Variants in RNF20 observed in about 807,000 individuals in gnomAD.
The protein encoded by RNF20 is ring finger protein 20.
A neutral mutation model predicts 126.2 loss-of-function variants in RNF20; 84 were observed. That is an observed-to-expected ratio of 0.67 (90% CI 0.56 to 0.80). The LOEUF is 0.80. Ranked by LOEUF, RNF20 falls within the 30% of genes least tolerant of loss-of-function variation. The probability of loss-of-function intolerance (pLI) is 0.00; values close to 1 mark genes in which losing one functional copy is unlikely to be tolerated. For missense variants in RNF20, 869 were observed against 1,188.2 expected, an observed-to-expected ratio of 0.73 and a Z score of 3.95; for synonymous variants, 400 against 414.3, an observed-to-expected ratio of 0.97 and a Z score of 0.42.
intron 5 of RNF20, among the ~76,000 whole-genome samples, chr9:101,543,131 AGTTGT>A (rs1175873022): frequency 6.6e-6 from 1 of 152,174 alleles, no homozygotes; most frequent in Non-Finnish European, 1.5e-5. Flanking sequence ...GGAGGTTTGG[AGTTGT>A]GTTGTGTTTT....
intron 16 of RNF20, among the ~76,000 whole-genome samples, chr9:101,559,271 C>A (rs1026128289): frequency 7.9e-5 from 12 of 152,102 alleles, no homozygotes; most frequent in African/African-American, 2.9e-4. Context: ...TATTTTTATA[C>A]CAGTACCATG....
chr9:101,545,105 A>G (rs1019785535), intron 6 of RNF20, among the ~76,000 whole-genome samples: 28 of 152,218 alleles, frequency 1.8e-4, no homozygotes, highest in African/African-American at 5.1e-4. Context: ...GAAATTCCAC[A>G]GGGAATGGGG....
chr9:101,547,497 T>A lies in RNF20; in HGVS notation c.1071T>A (p.Thr357=). 1.2e-6 allele frequency: 2 copies of A among 1,614,082 alleles called. No homozygotes were observed. The highest frequency in any genetic ancestry group is 1.7e-6 in the Non-Finnish European group (2 of 1,179,976). The change falls in exon 9 of 20, where the codon ACT becomes ACA. Residue 357 remains threonine, a synonymous_variant. Coordinates refer to ENST00000389120, the MANE Select transcript of RNF20 (RefSeq NM_019592.7). The part of the protein sequence containing the change: ...EKLRQDFEEV[T]TQNEKLKVEL... ...TTCGGCAAGACTTTGAGGAGGTCAC[T>A]ACACAAAATGAAAAGCTGAAGGTAG... is the stretch of plus-strand genomic sequence containing the variant.
chr9:101,540,535 C>G lies in RNF20; in HGVS notation c.343C>G (p.Gln115Glu). The part of the protein sequence containing the change: ...RIILKRYDLE[Q>E]GLGDLLTERK... ...CATCCTTAAACGTTATGATCTGGAG[C>G]AGGGCTTGGGAGACCTACTCACAGA... is the stretch of plus-strand genomic sequence containing the variant. The change falls in exon 4 of 20, where the codon CAG (glutamine) becomes GAG (glutamate). Residue 115 changes from glutamine to glutamate, a missense_variant. Coordinates refer to ENST00000389120, the MANE Select transcript of RNF20 (RefSeq NM_019592.7). The G allele has an allele frequency of 6.2e-7, 1 of 1,613,848 alleles. No individual in the cohort carries two copies. Among genetic ancestry groups the G allele is most frequent in the South Asian group, 1.1e-5 (1 of 91,068 alleles).
At chr9:101,554,502 C>T (rs960839514) in intron 14 of RNF20, among the ~76,000 whole-genome samples, 192 bp from the exon 15 acceptor site, 8 of 152,130 alleles carry the variant, frequency 5.3e-5, no homozygotes, top group African/African-American at 1.9e-4. Flanking sequence ...CTTATAGAAG[C>T]ATGTCATAGT....
chr9:101,561,628 C>T (rs542787209), intron 18 of RNF20, among the ~76,000 whole-genome samples: 81 of 152,110 alleles, frequency 5.3e-4, no homozygotes, highest in Non-Finnish European at 1.1e-3. Flanking sequence ...AAACTAATTA[C>T]TATAAAACAA....
Position 101,545,931 on chromosome 9 carries a change from A to C in RNF20, c.748-889A>C, listed in dbSNP as rs367933774. 1.1e-3 allele frequency among the ~76,000 whole-genome samples: 169 copies of C among 152,184 alleles called. 1 individual carries two copies. In the Middle Eastern group the frequency reaches 0.031, roughly 28 times the overall value. On this transcript the variant is annotated intron_variant, in intron 6 of 19. Transcript: ENST00000389120. ...TGCCTGTCAGCTGGGTTAATTGTCTACTGGGATACCTGCAGTTTGCCTCTC... is the reference window on the plus strand; with the variant it reads ...TGCCTGTCAGCTGGGTTAATTGTCTCCTGGGATACCTGCAGTTTGCCTCTC...
intron 1 of RNF20, 106 bp from the exon 2 acceptor site, chr9:101,535,292 G>A (rs1258870446): frequency 1.4e-6 from 1 of 713,128 alleles, no homozygotes; most frequent in African/African-American, 1.8e-5. Flanking sequence ...AATGGATCCA[G>A]GTTAAAGGGT....
At position 101,535,431 on chromosome 9, in the gene RNF20, G is replaced by T. The variant is rs1208184621; in HGVS notation, c.8G>T (p.Gly3Val). 6.2e-7 allele frequency: 1 copy of T among 1,612,480 alleles called. No homozygotes were observed. The highest frequency in any genetic ancestry group is 1.1e-5 in the South Asian group (1 of 90,540). MS[G>V]IGNKRAAGEP... is the part of the protein sequence containing the mutation. Reference sequence around the variant, plus strand: ...CTGTCTTCTTCTGCCAAAATGTCAGGAATTGGAAATAAAAGAGCAGCTGGA... The same window carrying T: ...CTGTCTTCTTCTGCCAAAATGTCAGTAATTGGAAATAAAAGAGCAGCTGGA... The change falls in exon 2 of 20, where the codon GGA (glycine) becomes GTA (valine). Residue 3 changes from glycine to valine, a missense_variant. Transcript: ENST00000389120.
In RNF20 at chr9:101,546,595, T is replaced by G. The variant is rs557320197; in HGVS notation, c.748-225T>G. ...GTTGAATCTTAGGTGGTCTTTTCTT[T>G]GTGTGAGAGTTCTTATAGACTTTAG... is the stretch of plus-strand genomic sequence containing the variant. On this transcript the variant is annotated intron_variant, in intron 6 of 19. Coordinates refer to ENST00000389120, the MANE Select transcript of RNF20 (RefSeq NM_019592.7). 1.0e-3 allele frequency among the ~76,000 whole-genome samples: 158 copies of G among 152,310 alleles called. 1 individual carries two copies. Among genetic ancestry groups the G allele is most frequent in the Non-Finnish European group, 1.3e-4 (9 of 68,018 alleles).
intron 15 of RNF20, among the ~76,000 whole-genome samples, chr9:101,556,900 T>G (rs2118733481): frequency 6.6e-6 from 1 of 152,330 alleles, no homozygotes; most frequent in African/African-American, 2.4e-5. Context: ...ACAAGTGGTC[T>G]TAACCATATG....
Position 101,540,776 on chromosome 9 carries a change from TC to T in RNF20, c.446-12del, listed in dbSNP as rs748659375. 2.5e-6 allele frequency: 4 copies of T among 1,592,450 alleles called. No homozygotes were observed. In the African/African-American group the frequency reaches 5.5e-5, roughly 22 times the overall value. On this transcript the variant is annotated splice_polypyrimidine_tract_variant and intron_variant, in intron 4 of 19. Coordinates refer to ENST00000389120, the MANE Select transcript of RNF20 (RefSeq NM_019592.7). The stretch of plus-strand genomic sequence containing the variant: ...TATAATTTTGGGGGGCTTCTTTTTT[TC>T]CCCCTGTGTCCTCAGGGGAAGGGCA...
At chr9:101,555,852 G>T (rs1305866032) in intron 15 of RNF20, among the ~76,000 whole-genome samples, 1 of 151,474 alleles carries the variant, frequency 6.6e-6, no homozygotes, top group Admixed American at 6.6e-5. Context: ...CCAGCTACTT[G>T]GGAGGCTGAG....
chr9:101,561,419 C>T (rs1827626985), intron 18 of RNF20, 189 bp downstream of exon 18: 3 of 566,082 alleles, frequency 5.3e-6, no homozygotes, highest in Admixed American at 3.5e-5. Context: ...GTGCCTTGCA[C>T]CTAGTAGGCA....
At chr9:101,561,874 G>T in intron 18 of RNF20, 36 bp from the exon 19 acceptor site, 4 of 1,347,604 alleles carry the variant, frequency 3.0e-6, no homozygotes, top group Non-Finnish European at 4.3e-6. Context: ...ATAGATTTGG[G>T]TAAGTGTGTC....
At chr9:101,549,644 C>G (rs1421923174) in intron 9 of RNF20, among the ~76,000 whole-genome samples, 3 of 152,154 alleles carry the variant, frequency 2.0e-5, no homozygotes, top group Non-Finnish European at 4.4e-5. Context: ...TACGCTACCG[C>G]TAGACCACGG....
intron 6 of RNF20, among the ~76,000 whole-genome samples, chr9:101,546,121 G>A (rs1588219587): frequency 6.6e-6 from 1 of 152,124 alleles, no homozygotes; most frequent in Non-Finnish European, 1.5e-5. Flanking sequence ...AGATTCAAGA[G>A]GAGGGAACAA....
chr9:101,556,929 C>T (rs1827545773), intron 15 of RNF20, among the ~76,000 whole-genome samples: 1 of 152,126 alleles, frequency 6.6e-6, no homozygotes, highest in Non-Finnish European at 1.5e-5. Context: ...CTCAGTCTCA[C>T]TTAAAATGAG....
In RNF20 at chr9:101,562,545, C is replaced by G. The variant is rs2118750865; in HGVS notation, c.*123C>G. ...AGTTTATCAGTCAACTACCTTTCCTCCAGACTTTACTTCCAGGCTCTCCTC... is the reference window on the plus strand; with the variant it reads ...AGTTTATCAGTCAACTACCTTTCCTGCAGACTTTACTTCCAGGCTCTCCTC... On this transcript the variant is annotated 3_prime_UTR_variant, in exon 20 of 20. Coordinates refer to ENST00000389120, the MANE Select transcript of RNF20 (RefSeq NM_019592.7). The G allele has an allele frequency of 3.4e-6, 3 of 872,838 alleles. No homozygotes were observed. The highest frequency in any genetic ancestry group is 5.4e-5 in the East Asian group (2 of 36,790). The allele number at this position is 872,838 out of a possible 1,614,324, so 54.1% of individuals were successfully genotyped here.
Sources: allele counts gnomAD v4.1 joint callset (sites outside exome capture counted in the v4.1 genomes callset), GRCh38; gene constraint gnomAD v4.1.1; transcripts MANE v1.5; gene names NCBI Gene and HGNC (gene_info 2026-07-23, HGNC 2026-07-21).